Variants in HIBCH observed in about 807,000 individuals in gnomAD.
The protein encoded by HIBCH is 3-hydroxyisobutyryl-CoA hydrolase.
A neutral mutation model predicts 58.2 loss-of-function variants in HIBCH; 50 were observed. The observed-to-expected ratio is 0.86, with a 90% CI of 0.68 to 1.09. The LOEUF (loss-of-function observed/expected upper bound fraction) is 1.09, where lower values mean the gene tolerates loss of function less well. Ranked by LOEUF, HIBCH falls within the 50% of genes least tolerant of loss-of-function variation. The pLI is 0.00. For missense variants in HIBCH, 450 were observed against 449.7 expected (o/e 1.00, Z -0.01); for synonymous variants, 151 against 146.9 (o/e 1.03, Z -0.20).
In HIBCH at chr2:190,210,958, T is replaced by A. The variant is rs1690501114; in HGVS notation, c.1011+1998A>T. On this transcript the variant is annotated intron_variant, in intron 12 of 13. Coordinates refer to ENST00000359678, the MANE Select transcript of HIBCH (RefSeq NM_014362.4). This position sits in a 1 kb window ranked among gnomAD's most constrained non-coding sequence, Gnocchi z 5.5. ...CTGCTTCCTTTTTCTTGTTAATATT[T>A]ATAATCATATAATATATATTTTATG... Among the ~76,000 whole-genome samples the A allele has an allele frequency of 6.6e-6, 1 of 152,146 alleles. No homozygotes were observed. Among genetic ancestry groups the A allele is most frequent in the Admixed American group, 6.5e-5 (1 of 15,278 alleles).
intron 6 of HIBCH, among the ~76,000 whole-genome samples, chr2:190,278,114 TC>T (rs1411449962): frequency 6.6e-6 from 1 of 151,950 alleles, no homozygotes; most frequent in South Asian, 2.1e-4. Context: ...TGAACTCCCC[TC>T]CCCCTAGAAT....
At chr2:190,287,686 TC>T in intron 5 of HIBCH, 48 bp from the exon 6 acceptor site, 1 of 1,371,492 alleles carries the variant, frequency 7.3e-7, no homozygotes, top group Non-Finnish European at 1.0e-6. Flanking sequence ...TAAAATACAT[TC>T]CCTTTTTCTT....
chr2:190,193,573 T>C (rs188127522), intron 1 of HIBCH, among the ~76,000 whole-genome samples: 7 of 152,320 alleles, frequency 4.6e-5, no homozygotes, highest in African/African-American at 1.7e-4. Flanking sequence ...ATTTCTTTAA[T>C]TGATGTAGGG....
chr2:190,302,773 A>G (rs940486849), intron 2 of HIBCH, among the ~76,000 whole-genome samples: 1 of 152,026 alleles, frequency 6.6e-6, no homozygotes, highest in African/African-American at 2.4e-5. Context: ...GGGGAACAGG[A>G]TTTTTTCCTT....
intron 11 of HIBCH, among the ~76,000 whole-genome samples, chr2:190,218,186 TC>T (rs1406011816): frequency 2.6e-5 from 4 of 151,428 alleles, no homozygotes; most frequent in Admixed American, 2.6e-4. Context: ...AATATCTATG[TC>T]CTAAAACAGA....
intron 11 of HIBCH, among the ~76,000 whole-genome samples, chr2:190,226,842 GAATAA>G (rs1334174080): frequency 6.6e-6 from 1 of 152,058 alleles, no homozygotes; most frequent in African/African-American, 2.4e-5. Context: ...GCTTCAAAGA[GAATAA>G]AATACCTAAA....
At chr2:190,310,691 C>T (rs1688533666) in intron 2 of HIBCH, 63 bp downstream of exon 2, 2 of 1,317,776 alleles carry the variant, frequency 1.5e-6, no homozygotes, top group East Asian at 2.3e-5. Context: ...CTCTACTTCT[C>T]TAACAATGAC....
chr2:190,213,665 G>C (rs1016711861), intron 11 of HIBCH: 1 of 154,364 alleles, frequency 6.5e-6, no homozygotes, highest in Non-Finnish European at 1.4e-5. Flanking sequence ...CAGCTACTTA[G>C]GTCATAAGTC....
chr2:190,294,025 T>TATATAC (rs1349235929), intron 4 of HIBCH, among the ~76,000 whole-genome samples: 1 of 26,544 alleles, frequency 3.8e-5, no homozygotes, highest in Non-Finnish European at 9.1e-5. Flanking sequence ...TTTGTGTGTA[T>TATATAC]ATATATATAT....
intron 11 of HIBCH, among the ~76,000 whole-genome samples, chr2:190,241,016 G>A (rs1686438273): frequency 6.6e-6 from 1 of 152,180 alleles, no homozygotes; most frequent in Admixed American, 6.5e-5. Flanking sequence ...CTGAGTTCAA[G>A]TCCTGAATAT....
chr2:190,231,864 G>T lies in HIBCH; in HGVS notation c.891+13023C>A, dbSNP rs370498758. Among the ~76,000 whole-genome samples, 7 of 152,208 alleles carry T rather than the reference G, an allele frequency of 4.6e-5. No homozygotes were observed. In the South Asian group the frequency reaches 1.5e-3, roughly 32 times the overall value. ...TAAATAACTCACTTAAAAAAAAAGT[G>T]AGTTTAGCAAAATCATTAGGTATAA... On this transcript the variant is annotated intron_variant, in intron 11 of 13. Transcript: ENST00000359678.
Position 190,205,161 on chromosome 2 carries a change from T to G in HIBCH, c.1117A>C (p.Asn373His). The G allele has an allele frequency of 6.2e-7, 1 of 1,610,854 alleles. No individual in the cohort carries two copies. Among genetic ancestry groups the G allele is most frequent in the African/African-American group, 1.3e-5 (1 of 74,988 alleles). ...DLKEVTEEDL[N>H]NHFKSLGSSD... is the part of the protein sequence containing the mutation. ...CTTCCCAAAGACTTAAAGTGATTAT[T>G]CAAATCTTCCTCAGTAACTTCTTTT... Residue 373 changes from asparagine (N) to histidine (H), a missense_variant, in exon 14 of 14, where the codon AAT (asparagine) becomes CAT (histidine). Transcript: ENST00000359678.
chr2:190,293,561 T>G (rs552171237), intron 4 of HIBCH, among the ~76,000 whole-genome samples: 1 of 151,986 alleles, frequency 6.6e-6, no homozygotes, highest in Non-Finnish European at 1.5e-5. Flanking sequence ...GTAATCAAAG[T>G]TTTCATTAAA....
chr2:190,213,580 C>G (rs759883065), intron 11 of HIBCH: 1 of 166,736 alleles, frequency 6.0e-6, no homozygotes, highest in Non-Finnish European at 1.3e-5. Context: ...TAGCTGCCCT[C>G]ACCCGAACCA....
At position 190,304,722 on chromosome 2, in the gene HIBCH, A is replaced by T. The variant is rs1233519490; in HGVS notation, c.78+6032T>A. Among the ~76,000 whole-genome samples, 1 of 152,020 alleles carries T rather than the reference A, an allele frequency of 6.6e-6. No individual in the cohort carries two copies. On this transcript the variant is annotated intron_variant, in intron 2 of 13. Coordinates refer to ENST00000359678, the MANE Select transcript of HIBCH (RefSeq NM_014362.4). The surrounding 1 kb of genome is among the most constrained non-coding windows in gnomAD (Gnocchi z 4.1). ...TAAATGGCTTAAACAACACAAACTT[A>T]TTTTTTTTGTAAAACCAGCAGTTTT...
intron 6 of HIBCH, among the ~76,000 whole-genome samples, chr2:190,272,765 C>G (rs1687436495): frequency 6.6e-6 from 1 of 151,826 alleles, no homozygotes; most frequent in African/African-American, 2.4e-5. Context: ...AATGGGGGGG[C>G]AGGGAGACCG....
At position 190,206,492 on chromosome 2, in the gene HIBCH, A is replaced by AC. The variant is rs1690394430; in HGVS notation, c.1046-1261_1046-1260insG. 2.6e-5 allele frequency among the ~76,000 whole-genome samples: 4 copies of AC among 152,096 alleles called. No homozygotes were observed. The highest frequency in any genetic ancestry group is 9.7e-5 in the African/African-American group (4 of 41,406). ...TTTGTTATTTTATTTCAAGCTAACAATTTTTTTACTAGAATACATACAAGT... is the reference window on the plus strand; with the variant it reads ...TTTGTTATTTTATTTCAAGCTAACAACTTTTTTTACTAGAATACATACAAGT... On this transcript the variant is annotated intron_variant, in intron 13 of 13. Transcript: ENST00000359678. This position sits in a 1 kb window ranked among gnomAD's most constrained non-coding sequence, Gnocchi z 5.1.
intron 6 of HIBCH, among the ~76,000 whole-genome samples, chr2:190,271,595 C>T (rs555852810): frequency 1.3e-5 from 2 of 151,884 alleles, no homozygotes; most frequent in Admixed American, 1.3e-4. Context: ...TGGCCTCTAC[C>T]TTATATTTAA....
intron 11 of HIBCH, among the ~76,000 whole-genome samples, chr2:190,228,549 T>TA (rs34542486): frequency 0.019 from 2,320 of 124,804 alleles, 60 homozygotes; most frequent in African/African-American, 0.069. Context: ...AAAGTATAAT[T>TA]AAAAAAAAAG....
Sources: gnomAD v4.1 joint callset for allele counts (sites outside exome capture counted in the v4.1 genomes callset) on GRCh38, gnomAD v4.1.1 for gene constraint, Gnocchi (gnomAD v3.1) non-coding constraint, MANE v1.5 for transcripts, NCBI Gene and HGNC (gene_info 2026-07-23, HGNC 2026-07-21) for gene names.